The following EFCAB7 variants were observed in gnomAD, a reference collection of about 807,000 sequenced individuals.
The protein encoded by EFCAB7 is EF-hand calcium binding domain 7.
In EFCAB7, 66 loss-of-function variants were observed where a neutral mutation model predicts 77.1. That is an observed-to-expected ratio of 0.86 (90% CI 0.70 to 1.05). The LOEUF (loss-of-function observed/expected upper bound fraction) is 1.05. EFCAB7 is among the 50% of genes least tolerant of loss of function. The probability of loss-of-function intolerance (pLI) is 0.00; values close to 1 mark genes in which losing one functional copy is unlikely to be tolerated. For missense variants in EFCAB7, 638 were observed against 730.5 expected, an observed-to-expected ratio of 0.87 and a Z score of 1.46; for synonymous variants, 225 against 243.3, an observed-to-expected ratio of 0.92 and a Z score of 0.70.
At position 63,546,018 on chromosome 1, in the gene EFCAB7, T is replaced by TA. The variant is rs1409959237; in HGVS notation, c.908dup (p.Tyr303Ter). 6.2e-7 allele frequency: 1 copy of TA among 1,613,658 alleles called. No individual in the cohort carries two copies. Among genetic ancestry groups the TA allele is most frequent in the East Asian group, 2.2e-5 (1 of 44,828 alleles). Reference sequence around the variant, plus strand: ...GCAAATAGCTCAGAGGTCCATGGTTTATCTAACAATTAAGCCATTAAACCT... The same window carrying TA: ...GCAAATAGCTCAGAGGTCCATGGTTTAATCTAACAATTAAGCCATTAAACCT... ...RMQIAQRSMV[Y>*]LTIKPLNLSQ... The change falls in exon 7 of 14, where the codon TAT becomes TAAT. Residue 303 changes from tyrosine to a stop codon, truncating the protein, a stop_gained and frameshift_variant. Transcript: ENST00000371088. LOFTEE classifies it high-confidence loss of function.
At chr1:63,532,649 A>T in intron 3 of EFCAB7, 21 bp from the exon 4 acceptor site, 1 of 1,569,030 alleles carries the variant, frequency 6.4e-7, no homozygotes, top group Middle Eastern at 1.7e-4. Flanking sequence ...CTTTAAAATA[A>T]ATCTTGTTTT....
intron 11 of EFCAB7, among the ~76,000 whole-genome samples, chr1:63,567,472 T>G (rs1161574689): frequency 6.6e-6 from 1 of 151,856 alleles, no homozygotes; most frequent in Non-Finnish European, 1.5e-5. Context: ...AAAAATTATT[T>G]CAAAGGTGTT....
At chr1:63,560,355 T>C (rs1398445456) in intron 10 of EFCAB7, among the ~76,000 whole-genome samples, 1 of 152,128 alleles carries the variant, frequency 6.6e-6, no homozygotes, top group Non-Finnish European at 1.5e-5. Flanking sequence ...GATAGGTTTC[T>C]TAATGTATTT....
chr1:63,540,363 CAAAAAAA>C (rs758025864), intron 6 of EFCAB7, among the ~76,000 whole-genome samples: 866 of 44,348 alleles, frequency 0.02, 10 homozygotes, highest in Middle Eastern at 0.13. Context: ...GACTCCATCT[CAAAAAAA>C]AAAAAAAAAA....
chr1:63,532,895 A>G (rs1216890922), intron 4 of EFCAB7, 139 bp downstream of exon 4: 1 of 626,206 alleles, frequency 1.6e-6, no homozygotes, highest in African/African-American at 2.0e-5. Flanking sequence ...TGAAACAATT[A>G]AATCAGTTAA....
At chr1:63,558,659 A>G (rs1647057246) in intron 10 of EFCAB7, among the ~76,000 whole-genome samples, 1 of 152,230 alleles carries the variant, frequency 6.6e-6, no homozygotes, top group South Asian at 2.1e-4. Flanking sequence ...CCTGAATAAT[A>G]AGAAAATGTA....
chr1:63,552,547 A>G (rs1646978628), intron 8 of EFCAB7, among the ~76,000 whole-genome samples: 1 of 152,212 alleles, frequency 6.6e-6, no homozygotes, highest in African/African-American at 2.4e-5. Context: ...ATAGATTGAT[A>G]TGAAAAAATG....
intron 2 of EFCAB7, among the ~76,000 whole-genome samples, chr1:63,531,466 G>A (rs748273232): frequency 6.6e-6 from 1 of 152,048 alleles, no homozygotes; most frequent in Non-Finnish European, 1.5e-5. Flanking sequence ...CAATTAAGTG[G>A]ATGGTTGTTT....
chr1:63,549,422 G>C (rs1278409468), intron 7 of EFCAB7: 1 of 467,204 alleles, frequency 2.1e-6, no homozygotes, highest in Non-Finnish European at 4.4e-6. Context: ...AACATCTTAA[G>C]TCTGTTACTT....
intron 6 of EFCAB7, among the ~76,000 whole-genome samples, chr1:63,542,699 A>G (rs1646844134): frequency 6.6e-6 from 1 of 152,138 alleles, no homozygotes; most frequent in South Asian, 2.1e-4. Flanking sequence ...GTCTTTCCTT[A>G]ATGATTAGTG....
chr1:63,564,796 A>G (rs1194353688), intron 11 of EFCAB7, among the ~76,000 whole-genome samples: 1 of 152,208 alleles, frequency 6.6e-6, no homozygotes, highest in African/African-American at 2.4e-5. Flanking sequence ...GCATCATGCT[A>G]CCTAATTTCA....
At position 63,568,378 on chromosome 1, in the gene EFCAB7, G is replaced by C. The variant is rs774447330; in HGVS notation, c.1566G>C (p.Glu522Asp). 6.3e-7 allele frequency: 1 copy of C among 1,591,332 alleles called. No individual in the cohort carries two copies. The highest frequency in any genetic ancestry group is 8.5e-7 in the Non-Finnish European group (1 of 1,171,966). ...CAAAAATTAAAGCTGTCCATATGGA[G>C]GCATGTAGTGGACAACTTGAGAAGG... The part of the protein sequence containing the change: ...CKPKIKAVHM[E>D]ACSGQLEKAI... Residue 522 changes from glutamate to aspartate, a missense_variant, in exon 12 of 14, where the codon GAG (glutamate) becomes GAC (aspartate). Physicochemically the swap from Glu to Asp is conservative, Grantham distance 45. Transcript: ENST00000371088.
Position 63,546,184 on chromosome 1 carries a change from C to A in EFCAB7, c.946+127C>A, listed in dbSNP as rs1231171932. ...CTGCCTAAGTAAGAATTTATGGTTA[C>A]ATTTCAAGAAAGTGTTGGCTTATAC... On this transcript the variant is annotated intron_variant, in intron 7 of 13. Coordinates refer to ENST00000371088, the MANE Select transcript of EFCAB7 (RefSeq NM_032437.4). 9 of 1,035,968 alleles carry A rather than the reference C, an allele frequency of 8.7e-6. No homozygotes were observed. In the East Asian group the frequency reaches 1.5e-4, roughly 18 times the overall value. The allele number at this position is 1,035,968 out of a possible 1,614,324, so 64.2% of individuals were successfully genotyped here. A position where few individuals can be genotyped will look rare whatever the true frequency, so the allele number is the denominator to read the frequency against.
the EFCAB7 span, among the ~76,000 whole-genome samples, chr1:63,580,483 T>C: frequency 6.6e-6 from 1 of 152,232 alleles, no homozygotes; most frequent in Non-Finnish European, 1.5e-5. Flanking sequence ...AGTAGCTTCA[T>C]TGTAAGTCTT....
chr1:63,565,173 C>T (rs1647154862), intron 11 of EFCAB7, among the ~76,000 whole-genome samples: 1 of 152,072 alleles, frequency 6.6e-6, no homozygotes, highest in African/African-American at 2.4e-5. Context: ...CTGGCTTCAT[C>T]CTGGTGAAAC....
intron 2 of EFCAB7, among the ~76,000 whole-genome samples, chr1:63,531,513 C>G (rs1158727685): frequency 6.6e-6 from 1 of 152,018 alleles, no homozygotes; most frequent in African/African-American, 2.4e-5. Flanking sequence ...TTTAGAAGCT[C>G]TTAAGTAATC....
Position 63,534,107 on chromosome 1 carries a change from G to A in EFCAB7, c.695G>A (p.Ser232Asn). 6.2e-7 allele frequency: 1 copy of A among 1,613,282 alleles called. No individual in the cohort carries two copies. The highest frequency in any genetic ancestry group is 8.5e-7 in the Non-Finnish European group (1 of 1,179,480). ...TTACTTGTTGCAGGTGACACCAGGA[G>A]TTCTTTACTGTCAGCAACCAGGAAG... ...ETFLNKGDTR[S>N]SLLSATRKFK... Residue 232 changes from serine to asparagine, a missense_variant, in exon 6 of 14, where the codon AGT becomes AAT. Physicochemically the swap from Ser to Asn is conservative, Grantham distance 46. Coordinates refer to ENST00000371088, the MANE Select transcript of EFCAB7 (RefSeq NM_032437.4).
In EFCAB7 at chr1:63,561,821, C is replaced by G. The variant is rs778487290; in HGVS notation, c.1461C>G (p.His487Gln). The G allele has an allele frequency of 3.8e-6, 6 of 1,598,854 alleles. No homozygotes were observed. In the East Asian group the frequency reaches 1.4e-4, roughly 36 times the overall value. Residue 487 changes from histidine (H) to glutamine (Q), a missense_variant, in exon 11 of 14, where the codon CAC becomes CAG. Coordinates refer to ENST00000371088, the MANE Select transcript of EFCAB7 (RefSeq NM_032437.4). ...GDPCDLWVTL[H>Q]SMGYNKALEL... ...CTTGTGACCTTTGGGTAACTCTACA[C>G]TCTATGGGCTACAATAAAGCTCTGG...
Position 63,568,519 on chromosome 1 carries a change from G to C in EFCAB7, c.1707G>C (p.Lys569Asn), listed in dbSNP as rs1647196041. The change falls in exon 12 of 14, where the codon AAG becomes AAC. Residue 569 changes from lysine to asparagine, a missense_variant and splice_region_variant. Lys to Asn is a moderately conservative substitution (Grantham distance 94, BLOSUM62 0). Transcript: ENST00000371088. ...DTWITSVIEN[K>N]SDEKVIIHIS... ...GGATAACGTCAGTTATTGAAAACAA[G>C]GTATCAATTATGAGGTGGTTTTCCT... 1 of 1,600,052 alleles carries C rather than the reference G, an allele frequency of 6.2e-7. No homozygotes were observed.
Sources: allele counts gnomAD v4.1 joint callset (sites outside exome capture counted in the v4.1 genomes callset), GRCh38; gene constraint gnomAD v4.1.1; transcripts MANE v1.5; gene names NCBI Gene and HGNC (gene_info 2026-07-23, HGNC 2026-07-21).